DNAJC3: variants seen among roughly 807,000 people sequenced by gnomAD.
DNAJC3 encodes DnaJ heat shock protein family (Hsp40) member C3.
In DNAJC3, 38 loss-of-function variants were observed where a neutral mutation model predicts 68.6. The observed-to-expected ratio is 0.55, with a 90% CI of 0.43 to 0.73. The LOEUF is 0.73. Ranked by LOEUF, DNAJC3 falls within the 30% of genes least tolerant of loss-of-function variation. DNAJC3 has a pLI of 0.00. For missense variants in DNAJC3, 526 were observed against 591.9 expected (o/e 0.89, Z 1.16); for synonymous variants, 203 against 204.0 (o/e 1.00, Z 0.04).
Position 95,742,961 on chromosome 13 carries a change from A to G in DNAJC3, c.394-14683A>G, listed in dbSNP as rs961181727. On this transcript the variant is annotated intron_variant, in intron 4 of 11. Coordinates refer to ENST00000602402, the MANE Select transcript of DNAJC3 (RefSeq NM_006260.5). Reference sequence around the variant, plus strand: ...TTTGAGTTAATTTTTGTATGATGGTATGAGGTTTAGGTCGAAGTTCATTTG... The same window carrying G: ...TTTGAGTTAATTTTTGTATGATGGTGTGAGGTTTAGGTCGAAGTTCATTTG... 9.0e-6 allele frequency: 4 copies of G among 444,168 alleles called. No homozygotes were observed. The Admixed American group carries it at 1.0e-4, about 11-fold the overall frequency. 27.5% of individuals were successfully genotyped at this position (444,168 alleles called of 1,614,324 possible). A position where few individuals can be genotyped will look rare whatever the true frequency, so the allele number is the denominator to read the frequency against.
chr13:95,727,558 A>G (rs532393128), intron 4 of DNAJC3, among the ~76,000 whole-genome samples: 191 of 152,262 alleles, frequency 1.3e-3, no homozygotes, highest in Middle Eastern at 6.8e-3. Context: ...TACTGAGATA[A>G]TTGTAGATTT....
rs558619817 is a variant in DNAJC3, at chr13:95,706,311, C to T, written c.83-2916C>T. 7.2e-5 allele frequency among the ~76,000 whole-genome samples: 11 copies of T among 152,266 alleles called. No homozygotes were observed. The East Asian group carries it at 2.1e-3, about 29-fold the overall frequency. On this transcript the variant is annotated intron_variant, in intron 1 of 11. Transcript: ENST00000602402. ...TGGGCATGGCCCCATTCTAGTAAAA[C>T]TTTAGTTACAAAAAACGGTTTGTTG...
chr13:95,715,551 G>A (rs561504891), intron 2 of DNAJC3, among the ~76,000 whole-genome samples: 18 of 149,260 alleles, frequency 1.2e-4, no homozygotes, highest in Non-Finnish European at 2.2e-4. Context: ...GCGTGATCTC[G>A]GCTCACTGCA....
chr13:95,788,297 A>G (rs776034234), intron 11 of DNAJC3, among the ~76,000 whole-genome samples: 1 of 152,232 alleles, frequency 6.6e-6, no homozygotes, highest in Non-Finnish European at 1.5e-5. Flanking sequence ...TGCAGTGCAC[A>G]GGTGTGATAG....
chr13:95,711,656 G>GA (rs1296444424), intron 2 of DNAJC3, among the ~76,000 whole-genome samples: 4 of 152,044 alleles, frequency 2.6e-5, no homozygotes, highest in Non-Finnish European at 4.4e-5. Context: ...CACTCTACCA[G>GA]AAAAAATATC....
intron 4 of DNAJC3, among the ~76,000 whole-genome samples, chr13:95,754,182 A>G (rs1882579241): frequency 6.6e-6 from 1 of 152,218 alleles, no homozygotes; most frequent in Non-Finnish European, 1.5e-5. Context: ...GGGCTGCAAT[A>G]GTAGCTGAGG....
chr13:95,767,423 C>T (rs1303121148), intron 9 of DNAJC3, among the ~76,000 whole-genome samples: 1 of 152,082 alleles, frequency 6.6e-6, no homozygotes. Context: ...TTAATTCATC[C>T]ACTGATGAAC....
chr13:95,690,629 T>A (rs1216765498), intron 1 of DNAJC3, among the ~76,000 whole-genome samples: 7 of 131,062 alleles, frequency 5.3e-5, no homozygotes, highest in East Asian at 4.8e-4. Flanking sequence ...CCCCCCCACC[T>A]CCCTCCCGGA....
chr13:95,710,708 A>G (rs751033429), intron 2 of DNAJC3, among the ~76,000 whole-genome samples: 1 of 150,768 alleles, frequency 6.6e-6, no homozygotes, highest in Non-Finnish European at 1.5e-5. Flanking sequence ...TGTTTTTGAG[A>G]CAGGATCTTG....
intron 2 of DNAJC3, 62 bp from the exon 3 acceptor site, chr13:95,723,180 T>G (rs1881393306): frequency 1.4e-6 from 2 of 1,450,694 alleles, no homozygotes; most frequent in South Asian, 1.3e-5. Context: ...AGGTGATTTG[T>G]TTTTTTTTAA....
intron 1 of DNAJC3, chr13:95,693,143 A>G (rs556431259): frequency 6.6e-6 from 1 of 152,290 alleles, no homozygotes; most frequent in East Asian, 1.9e-4. Flanking sequence ...TTTTAAAGCT[A>G]TATTATTTAT....
Position 95,794,005 on chromosome 13 carries a change from G to A in DNAJC3, c.*2975G>A, listed in dbSNP as rs967174092. The A allele has an allele frequency of 5.9e-5, 9 of 152,074 alleles. No homozygotes were observed. The highest frequency in any genetic ancestry group is 1.3e-4 in the Non-Finnish European group (9 of 68,010). 9.4% of individuals were successfully genotyped at this position (152,074 alleles called of 1,614,324 possible). On this transcript the variant is annotated 3_prime_UTR_variant, in exon 12 of 12. Coordinates refer to ENST00000602402, the MANE Select transcript of DNAJC3 (RefSeq NM_006260.5). The stretch of plus-strand genomic sequence containing the variant: ...TCATTCCTCAGTTCTGAAAGTTTGT[G>A]CTTTCTTACCATGAATAGATGAAAA...
chr13:95,717,946 A>G (rs1867337516), intron 2 of DNAJC3, among the ~76,000 whole-genome samples: 1 of 152,090 alleles, frequency 6.6e-6, no homozygotes, highest in South Asian at 2.1e-4. Context: ...TTACAACATC[A>G]TTTGTAATTG....
chr13:95,768,985 A>G (rs1442538203), intron 9 of DNAJC3, among the ~76,000 whole-genome samples: 1 of 64,636 alleles, frequency 1.5e-5, no homozygotes, highest in Non-Finnish European at 2.4e-5. Flanking sequence ...CCAAAAAATT[A>G]TCTATATCTA....
chr13:95,729,387 C>T (rs1234677735), intron 4 of DNAJC3, among the ~76,000 whole-genome samples: 2 of 149,574 alleles, frequency 1.3e-5, no homozygotes, highest in African/African-American at 4.9e-5. Flanking sequence ...TCTCCCTCTC[C>T]CTCTCCCTCT....
chr13:95,767,712 C>A (rs906487744), intron 9 of DNAJC3, among the ~76,000 whole-genome samples: 10 of 136,524 alleles, frequency 7.3e-5, no homozygotes, highest in African/African-American at 3.2e-4. Context: ...TTTTTTGAGA[C>A]AGAGTCTTGC....
chr13:95,776,932 A>G (rs556797511), intron 9 of DNAJC3, among the ~76,000 whole-genome samples: 1 of 152,114 alleles, frequency 6.6e-6, no homozygotes, highest in Non-Finnish European at 1.5e-5. Flanking sequence ...CTTCTGCACC[A>G]TCAGGGCACA....
At chr13:95,746,353 C>T (rs746645197) in intron 4 of DNAJC3, among the ~76,000 whole-genome samples, 4 of 152,128 alleles carry the variant, frequency 2.6e-5, no homozygotes. Flanking sequence ...AAGATTACAC[C>T]ATGTGACCTT....
At position 95,709,343 on chromosome 13, in the gene DNAJC3, TATCATGGAACCAA is replaced by T. The variant is rs754712467; in HGVS notation, c.193+11_193+23del. Reference sequence around the variant, plus strand: ...TCAGTTTCATGCTGCCGTAGGTTTGTATCATGGAACCAAATCACTCAGTGTCTGTCTTAGTGAA... The same window carrying T: ...TCAGTTTCATGCTGCCGTAGGTTTGTATCACTCAGTGTCTGTCTTAGTGAA... On this transcript the variant is annotated splice_region_variant and intron_variant, in intron 2 of 11. Transcript: ENST00000602402. 2 of 1,579,542 alleles carry T rather than the reference TATCATGGAACCAA, an allele frequency of 1.3e-6. No individual in the cohort carries two copies. Among genetic ancestry groups the T allele is most frequent in the Admixed American group, 3.7e-5 (2 of 54,354 alleles).
Sources: allele counts gnomAD v4.1 joint callset (sites outside exome capture counted in the v4.1 genomes callset), GRCh38; gene constraint gnomAD v4.1.1; transcripts MANE v1.5; gene names NCBI Gene and HGNC (gene_info 2026-07-23, HGNC 2026-07-21).